SRGAP1: variants seen among roughly 807,000 people sequenced by gnomAD.
SRGAP1 encodes the protein SLIT-ROBO Rho GTPase-activating protein 1.
SRGAP1 carries 43 observed loss-of-function variants against 121.9 expected under a neutral mutation model. That is an observed-to-expected ratio of 0.35 (90% CI 0.28 to 0.46). The LOEUF (loss-of-function observed/expected upper bound fraction) is 0.46, where lower values mean the gene tolerates loss of function less well. SRGAP1 is among the 20% of genes least tolerant of loss of function. SRGAP1 has a pLI of 1.00. For missense variants in SRGAP1, 1,102 were observed against 1,350.9 expected (o/e 0.82, Z 2.89); for synonymous variants, 447 against 485.4 (o/e 0.92, Z 1.04).
At chr12:64,060,205 C>CT (rs58447783) in intron 6 of SRGAP1, among the ~76,000 whole-genome samples, 20,345 of 121,372 alleles carry the variant, frequency 0.17, 2,370 homozygotes, top group African/African-American at 0.32. Context: ...TTCTTTTTTT[C>CT]TTTTTTTTTT....
chr12:63,935,042 T>G (rs2031617571), intron 1 of SRGAP1, among the ~76,000 whole-genome samples: 1 of 152,238 alleles, frequency 6.6e-6, no homozygotes, highest in Non-Finnish European at 1.5e-5. Context: ...ATAGACCCTC[T>G]TGGCAGTGCC....
intron 1 of SRGAP1, among the ~76,000 whole-genome samples, chr12:63,916,849 C>T (rs138455619): frequency 4.7e-4 from 72 of 152,252 alleles, no homozygotes; most frequent in African/African-American, 1.7e-3. Flanking sequence ...CTCTTCTGCT[C>T]CACCCTCTAT....
Position 64,113,160 on chromosome 12 carries a change from C to A in SRGAP1, c.2144+1174C>A, listed in dbSNP as rs574533768. On this transcript the variant is annotated intron_variant, in intron 17 of 21. Transcript: ENST00000355086. ...CAGTGGCTCATGCCTATAATCCCAG[C>A]ACTTTGGGAGGCTGAGGCAGGCAGA... Among the ~76,000 whole-genome samples, 3 of 151,858 alleles carry A rather than the reference C, an allele frequency of 2.0e-5. No individual in the cohort carries two copies. The East Asian group carries it at 5.8e-4, about 29-fold the overall frequency.
chr12:63,898,724 T>C (rs1468813059), intron 1 of SRGAP1, among the ~76,000 whole-genome samples: 2 of 152,248 alleles, frequency 1.3e-5, no homozygotes, highest in African/African-American at 4.8e-5. Flanking sequence ...ATTGATGTTA[T>C]TTTAGTTAAT....
intron 1 of SRGAP1, among the ~76,000 whole-genome samples, chr12:63,931,596 C>A (rs1301354641): frequency 2.0e-5 from 3 of 152,160 alleles, no homozygotes; most frequent in African/African-American, 7.2e-5. Context: ...CAGAATTATT[C>A]ATTTATTCAT....
At chr12:63,972,705 TACAATAA>T (rs1224120785) in intron 1 of SRGAP1, among the ~76,000 whole-genome samples, 1 of 152,216 alleles carries the variant, frequency 6.6e-6, no homozygotes, top group African/African-American at 2.4e-5. Context: ...ATAGCAATAG[TACAATAA>T]TGATCTAAAA....
intron 10 of SRGAP1, among the ~76,000 whole-genome samples, chr12:64,083,665 C>T (rs1396954737): frequency 6.6e-6 from 1 of 152,064 alleles, no homozygotes; most frequent in Non-Finnish European, 1.5e-5. Context: ...TTAAATTGAC[C>T]ACAGTAAATG....
chr12:63,976,689 T>C (rs920720848), intron 1 of SRGAP1, among the ~76,000 whole-genome samples: 11 of 152,220 alleles, frequency 7.2e-5, no homozygotes, highest in African/African-American at 2.4e-4. Context: ...TGCTTTTCAC[T>C]TATATCATCT....
At chr12:63,973,761 T>C (rs2033021528) in intron 1 of SRGAP1, among the ~76,000 whole-genome samples, 2 of 152,314 alleles carry the variant, frequency 1.3e-5, no homozygotes, top group African/African-American at 4.8e-5. Context: ...TTTTTTTTCT[T>C]TTTTCCTTTC....
At chr12:64,036,359 TA>T (rs1403875746) in intron 4 of SRGAP1, among the ~76,000 whole-genome samples, 1 of 152,140 alleles carries the variant, frequency 6.6e-6, no homozygotes, top group Non-Finnish European at 1.5e-5. Flanking sequence ...AAGGCTGTGG[TA>T]TTACCCCAGT....
At chr12:63,919,517 TATATACACATAC>T (rs912217740) in intron 1 of SRGAP1, among the ~76,000 whole-genome samples, 5 of 139,188 alleles carry the variant, frequency 3.6e-5, no homozygotes, top group African/African-American at 1.3e-4. Context: ...TATATATATA[TATATACACATAC>T]ACACACACAC....
chr12:63,853,022 ATT>A (rs141845676), intron 1 of SRGAP1, among the ~76,000 whole-genome samples: 1 of 143,808 alleles, frequency 7.0e-6, no homozygotes, highest in Non-Finnish European at 1.5e-5. Flanking sequence ...TTACCGCAAA[ATT>A]TTTTTTTTTT....
chr12:64,011,550 G>A (rs1405315004), intron 3 of SRGAP1, among the ~76,000 whole-genome samples: 3 of 152,038 alleles, frequency 2.0e-5, no homozygotes, highest in Admixed American at 2.0e-4. Context: ...TATGCCTTTT[G>A]ACCAGCATTT....
At chr12:64,123,565 A>C (rs562584041) in intron 18 of SRGAP1, among the ~76,000 whole-genome samples, 8 of 152,286 alleles carry the variant, frequency 5.3e-5, no homozygotes, top group African/African-American at 1.9e-4. Flanking sequence ...TGCTATTTAT[A>C]TTGTTTTGGT....
At chr12:63,915,297 C>T (rs1592942195) in intron 1 of SRGAP1, among the ~76,000 whole-genome samples, 1 of 151,478 alleles carries the variant, frequency 6.6e-6, no homozygotes, top group African/African-American at 2.4e-5. Context: ...TTTTTTGAAA[C>T]AGAAGTAGGC....
At chr12:63,945,718 G>A (rs867735463) in intron 1 of SRGAP1, among the ~76,000 whole-genome samples, 7 of 152,300 alleles carry the variant, frequency 4.6e-5, no homozygotes, top group Middle Eastern at 6.8e-3. Context: ...CCACAGGGGA[G>A]CTCTGGAACT....
chr12:64,078,594 A>C (rs962120785), intron 8 of SRGAP1, among the ~76,000 whole-genome samples: 1 of 152,220 alleles, frequency 6.6e-6, no homozygotes, highest in African/African-American at 2.4e-5. Flanking sequence ...ATCAAGCTGC[A>C]CACTTATGGT....
chr12:63,878,248 C>G (rs888595818), intron 1 of SRGAP1, among the ~76,000 whole-genome samples: 1 of 152,150 alleles, frequency 6.6e-6, no homozygotes, highest in African/African-American at 2.4e-5. Context: ...AGCCAGGGAG[C>G]AAATATTTGA....
At chr12:63,955,041 G>A (rs185410343) in intron 1 of SRGAP1, among the ~76,000 whole-genome samples, 5 of 152,220 alleles carry the variant, frequency 3.3e-5, no homozygotes, top group East Asian at 1.9e-4. Flanking sequence ...TAAAAGGCCC[G>A]GCGCGGTGGC....
Sources: allele counts gnomAD v4.1 joint callset (sites outside exome capture counted in the v4.1 genomes callset), GRCh38; gene constraint gnomAD v4.1.1; transcripts MANE v1.5; gene names NCBI Gene and HGNC (gene_info 2026-07-23, HGNC 2026-07-21).